Variants in SLC24A2 observed in about 807,000 individuals in gnomAD.
SLC24A2 encodes the protein sodium/potassium/calcium exchanger 2.
A neutral mutation model predicts 62.0 loss-of-function variants in SLC24A2; 36 were observed. The ratio of observed to expected loss-of-function variants is 0.58; its 90% CI spans 0.44 to 0.77. The LOEUF is 0.77. Among genes scored for constraint, SLC24A2 ranks in the 30% least tolerant of loss-of-function variants. SLC24A2 has a pLI of 0.00. For synonymous variants in SLC24A2, 358 were observed against 294.0 expected (o/e 1.22, Z -2.23); for missense variants, 846 against 817.9 (o/e 1.03, Z -0.42).
the SLC24A2 span, among the ~76,000 whole-genome samples, chr9:20,093,389 G>A: frequency 3.2e-4 from 48 of 151,864 alleles, no homozygotes; most frequent in Admixed American, 1.3e-3. Flanking sequence ...AGGTTTTTGG[G>A]TACATTTAGT....
the SLC24A2 span, among the ~76,000 whole-genome samples, chr9:20,053,820 G>A: frequency 6.6e-6 from 1 of 152,182 alleles, no homozygotes; most frequent in Admixed American, 6.5e-5. Context: ...TCACTTAGAA[G>A]CCACCCCGTG....
At chr9:20,268,420 G>A in the SLC24A2 span, among the ~76,000 whole-genome samples, 1 of 152,144 alleles carries the variant, frequency 6.6e-6, no homozygotes, top group Non-Finnish European at 1.5e-5. Flanking sequence ...CTTGTGAATG[G>A]ACTAATTTAC....
At chr9:20,152,396 A>C in the SLC24A2 span, among the ~76,000 whole-genome samples, 1 of 151,926 alleles carries the variant, frequency 6.6e-6, no homozygotes, top group African/African-American at 2.4e-5. Context: ...TGGAAAATCC[A>C]AGTTCTTTAG....
chr9:20,221,586 T>A, the SLC24A2 span, among the ~76,000 whole-genome samples: 1 of 151,798 alleles, frequency 6.6e-6, no homozygotes, highest in Non-Finnish European at 1.5e-5. Context: ...TATCTAAAAT[T>A]GAAAAAATGT....
chr9:20,079,478 T>A, the SLC24A2 span, among the ~76,000 whole-genome samples: 1 of 152,240 alleles, frequency 6.6e-6, no homozygotes, highest in Non-Finnish European at 1.5e-5. Context: ...ACTATTTTGT[T>A]TTCCCACTTA....
At chr9:19,727,446 C>T (rs1488738093) in intron 2 of SLC24A2, among the ~76,000 whole-genome samples, 1 of 152,112 alleles carries the variant, frequency 6.6e-6, no homozygotes, top group Non-Finnish European at 1.5e-5. Flanking sequence ...TTGCACTCTC[C>T]TACACACTAC....
intron 7 of SLC24A2, among the ~76,000 whole-genome samples, chr9:19,558,222 T>C (rs1835197465): frequency 6.6e-6 from 1 of 152,174 alleles, no homozygotes; most frequent in Non-Finnish European, 1.5e-5. Flanking sequence ...CCTGGGGGTG[T>C]GTGGAGAGTA....
At chr9:19,733,411 T>C (rs1300218170) in intron 2 of SLC24A2, among the ~76,000 whole-genome samples, 4 of 152,174 alleles carry the variant, frequency 2.6e-5, no homozygotes. Context: ...CCTTCAGTCA[T>C]CCAGCCCATT....
At chr9:19,794,453 G>A in the SLC24A2 span, among the ~76,000 whole-genome samples, 1 of 152,172 alleles carries the variant, frequency 6.6e-6, no homozygotes, top group South Asian at 2.1e-4. Context: ...GCCTACTTGA[G>A]GGGGAAGTGT....
At chr9:19,637,635 G>T (rs909061585) in intron 2 of SLC24A2, among the ~76,000 whole-genome samples, 1 of 152,200 alleles carries the variant, frequency 6.6e-6, no homozygotes, top group Non-Finnish European at 1.5e-5. Context: ...CAGGCACAGT[G>T]CGTGGTGTTT....
intron 2 of SLC24A2, among the ~76,000 whole-genome samples, chr9:19,779,903 G>A (rs1822960063): frequency 6.8e-6 from 1 of 147,386 alleles, no homozygotes; most frequent in Admixed American, 6.8e-5. Context: ...AGTAAAAAAA[G>A]TACAGAAAAA....
At chr9:19,609,278 C>G (rs576830811) in intron 4 of SLC24A2, among the ~76,000 whole-genome samples, 44 of 152,344 alleles carry the variant, frequency 2.9e-4, no homozygotes, top group African/African-American at 1.1e-3. Flanking sequence ...TCTCCTGCCC[C>G]GCTTGGTGCC....
intron 2 of SLC24A2, among the ~76,000 whole-genome samples, chr9:19,637,230 A>G (rs184880148): frequency 1.4e-3 from 210 of 152,332 alleles, no homozygotes; most frequent in Non-Finnish European, 2.4e-3. Flanking sequence ...CAAGTTCTCA[A>G]TTAGTTCAAG....
Position 19,511,119 on chromosome 9 carries a change from T to G in SLC24A2, c.*5034A>C, listed in dbSNP as rs1454256080. ...CAGACGACTACATGCTCCGGGTGAT[T>G]ACATGCCACAACCTGCGCAGGTCCA... On this transcript the variant is annotated 3_prime_UTR_variant, in exon 11 of 11. Coordinates refer to ENST00000341998, the MANE Select transcript of SLC24A2 (RefSeq NM_020344.4). 2 of 152,226 alleles carry G rather than the reference T, an allele frequency of 1.3e-5. No individual in the cohort carries two copies. The highest frequency in any genetic ancestry group is 1.9e-4 in the East Asian group (1 of 5,168). 9.4% of individuals were successfully genotyped at this position (152,226 alleles called of 1,614,324 possible). A position where few individuals can be genotyped will look rare whatever the true frequency, so the allele number is the denominator to read the frequency against.
chr9:20,050,997 T>C, the SLC24A2 span, among the ~76,000 whole-genome samples: 1 of 152,154 alleles, frequency 6.6e-6, no homozygotes, highest in South Asian at 2.1e-4. Context: ...AGAGGAAACA[T>C]TAGAAGGTAC....
chr9:20,247,189 T>C, the SLC24A2 span, among the ~76,000 whole-genome samples: 1 of 152,204 alleles, frequency 6.6e-6, no homozygotes, highest in Non-Finnish European at 1.5e-5. Flanking sequence ...TCTATGAATA[T>C]ATGCCCTAAC....
At chr9:19,752,419 G>A (rs1564080497) in intron 2 of SLC24A2, among the ~76,000 whole-genome samples, 1 of 150,238 alleles carries the variant, frequency 6.7e-6, no homozygotes, top group African/African-American at 2.4e-5. Context: ...GATTCCCTAT[G>A]ACTGGAGAAA....
the SLC24A2 span, among the ~76,000 whole-genome samples, chr9:19,976,977 G>T: frequency 6.6e-6 from 1 of 152,270 alleles, no homozygotes; most frequent in East Asian, 1.9e-4. Flanking sequence ...GTGCAATAAA[G>T]ATCAGCAAAG....
chr9:20,123,704 A>C, the SLC24A2 span, among the ~76,000 whole-genome samples: 2 of 152,228 alleles, frequency 1.3e-5, no homozygotes, highest in African/African-American at 4.8e-5. Context: ...AACAATTAAC[A>C]GTGGTAATTA....
Sources: gnomAD v4.1 joint callset for allele counts (sites outside exome capture counted in the v4.1 genomes callset) on GRCh38, gnomAD v4.1.1 for gene constraint, MANE v1.5 for transcripts, NCBI Gene and HGNC (gene_info 2026-07-23, HGNC 2026-07-21) for gene names.